FBXL17: variants seen among roughly 807,000 people sequenced by gnomAD.
FBXL17 encodes F-box and leucine rich repeat protein 17.
FBXL17 carries 22 observed loss-of-function variants against 66.2 expected under a neutral mutation model. That is an observed-to-expected ratio of 0.33 (90% CI 0.24 to 0.47). The LOEUF (loss-of-function observed/expected upper bound fraction) is 0.47. Ranked by LOEUF, FBXL17 falls within the 20% of genes least tolerant of loss-of-function variation. The pLI is 1.00. For missense variants in FBXL17, 878 were observed against 948.2 expected (o/e 0.93, Z 0.97); for synonymous variants, 474 against 400.5 (o/e 1.18, Z -2.19).
intron 8 of FBXL17, among the ~76,000 whole-genome samples, chr5:107,862,530 G>A (rs1368892018): frequency 6.6e-6 from 1 of 152,098 alleles, no homozygotes. Context: ...GCTGTGAAGG[G>A]ATTAATTTGT....
At chr5:108,367,806 T>G in intron 2 of FBXL17, 25 bp downstream of exon 2, 1 of 1,540,576 alleles carries the variant, frequency 6.5e-7, no homozygotes. Context: ...GTCATATGAG[T>G]GTTACTTAGA....
chr5:108,204,913 A>G (rs1314251088), intron 5 of FBXL17, among the ~76,000 whole-genome samples: 1 of 150,948 alleles, frequency 6.6e-6, no homozygotes, highest in African/African-American at 2.4e-5. Context: ...AATATTTTGC[A>G]TTTTTTTTTC....
At chr5:108,270,437 TA>T (rs1398496874) in intron 4 of FBXL17, among the ~76,000 whole-genome samples, 1 of 78,718 alleles carries the variant, frequency 1.3e-5, no homozygotes, top group African/African-American at 3.4e-5. Flanking sequence ...ATTATATTTA[TA>T]ATTAAATATA....
chr5:107,911,860 G>A (rs1749957596), intron 7 of FBXL17, among the ~76,000 whole-genome samples: 1 of 151,730 alleles, frequency 6.6e-6, no homozygotes, highest in African/African-American at 2.4e-5. Flanking sequence ...TAGAAACATG[G>A]GCAATGGTTA....
chr5:107,871,069 A>AAAAAAAAAAAAACC (rs1456052737), intron 8 of FBXL17, among the ~76,000 whole-genome samples: 1 of 130,174 alleles, frequency 7.7e-6, no homozygotes, highest in Non-Finnish European at 1.6e-5. Flanking sequence ...AAAAAAAAAA[A>AAAAAAAAAAAAACC]AAAAAAAAAA....
At chr5:108,029,730 GT>G (rs34574479) in intron 6 of FBXL17, among the ~76,000 whole-genome samples, 5,178 of 151,938 alleles carry the variant, frequency 0.034, 117 homozygotes, top group Non-Finnish European at 0.052. Context: ...AAATTATGTA[GT>G]TTATTTTTTT....
At chr5:107,897,654 A>T (rs1328573234) in intron 7 of FBXL17, among the ~76,000 whole-genome samples, 1 of 152,118 alleles carries the variant, frequency 6.6e-6, no homozygotes, top group Non-Finnish European at 1.5e-5. Context: ...CTAGATCAGG[A>T]AATTGCAAGG....
chr5:107,993,604 T>C (rs1160647783), intron 7 of FBXL17, among the ~76,000 whole-genome samples: 2 of 152,164 alleles, frequency 1.3e-5, no homozygotes, highest in African/African-American at 2.4e-5. Context: ...CCTGCACAAA[T>C]AGGAATATTT....
intron 7 of FBXL17, among the ~76,000 whole-genome samples, chr5:107,986,098 A>T (rs1489633650): frequency 1.3e-5 from 2 of 152,148 alleles, no homozygotes; most frequent in Non-Finnish European, 2.9e-5. Flanking sequence ...AATCTATTAG[A>T]TTATCAGTAA....
intron 7 of FBXL17, among the ~76,000 whole-genome samples, chr5:107,922,517 T>C (rs888755693): frequency 6.6e-6 from 1 of 152,172 alleles, no homozygotes; most frequent in Non-Finnish European, 1.5e-5. Context: ...GCTCCATGAA[T>C]AAGAATGAGA....
rs552648220 is a variant in FBXL17, at chr5:108,018,287, A to G, written c.1822+2638T>C. On this transcript the variant is annotated intron_variant, in intron 7 of 8. Coordinates refer to ENST00000542267, the MANE Select transcript of FBXL17 (RefSeq NM_001163315.3). The stretch of plus-strand genomic sequence containing the variant: ...CTATAGAATATGTTTCTACTCGTCC[A>G]GTCAAAGAAGGAAAAGGGCATCTGC... 6.6e-5 allele frequency among the ~76,000 whole-genome samples: 10 copies of G among 152,304 alleles called. No individual in the cohort carries two copies. The South Asian group carries it at 2.1e-3, about 32-fold the overall frequency.
chr5:108,121,217 A>G (rs911339363), intron 6 of FBXL17, among the ~76,000 whole-genome samples: 1 of 151,954 alleles, frequency 6.6e-6, no homozygotes, highest in African/African-American at 2.4e-5. Flanking sequence ...AGTCCCAGCT[A>G]CTCGGGAGGC....
intron 4 of FBXL17, chr5:108,297,840 T>C: frequency 1.2e-6 from 1 of 849,518 alleles, no homozygotes; most frequent in Non-Finnish European, 1.4e-6. Context: ...GCATTTAACA[T>C]TCTATTCCTT....
intron 3 of FBXL17, among the ~76,000 whole-genome samples, chr5:108,357,518 T>G (rs1037989774): frequency 6.6e-6 from 1 of 152,066 alleles, no homozygotes; most frequent in African/African-American, 2.4e-5. Context: ...CTTCATCCAG[T>G]AGTAGAATAC....
intron 7 of FBXL17, among the ~76,000 whole-genome samples, chr5:107,927,891 C>G (rs1369559824): frequency 6.6e-6 from 1 of 152,040 alleles, no homozygotes; most frequent in Non-Finnish European, 1.5e-5. Flanking sequence ...TTGGCAATTA[C>G]TCTTTTAAAT....
chr5:108,298,436 C>A (rs1758438365), intron 4 of FBXL17: 1 of 973,320 alleles, frequency 1.0e-6, no homozygotes, highest in South Asian at 4.8e-5. Flanking sequence ...AAACTAAAAT[C>A]TAAACAAAAC....
chr5:107,894,346 G>A (rs1749301918), intron 7 of FBXL17, among the ~76,000 whole-genome samples: 1 of 152,188 alleles, frequency 6.6e-6, no homozygotes. Context: ...AACTAAATCA[G>A]CTAATTCCTC....
chr5:108,052,122 A>C (rs1747503816), intron 6 of FBXL17, among the ~76,000 whole-genome samples: 2 of 142,462 alleles, frequency 1.4e-5, no homozygotes, highest in Admixed American at 7.2e-5. Flanking sequence ...CAAAAAAAAA[A>C]AAAAAAAAAA....
At chr5:108,090,566 G>C (rs1347407581) in intron 6 of FBXL17, among the ~76,000 whole-genome samples, 5 of 152,174 alleles carry the variant, frequency 3.3e-5, no homozygotes, top group Non-Finnish European at 5.9e-5. Flanking sequence ...CACTGTAGCA[G>C]AAAAGCATTT....
Sources: allele counts gnomAD v4.1 joint callset (sites outside exome capture counted in the v4.1 genomes callset), GRCh38; gene constraint gnomAD v4.1.1; transcripts MANE v1.5; gene names NCBI Gene and HGNC (gene_info 2026-07-23, HGNC 2026-07-21).